PCDH9: variants seen among roughly 807,000 people sequenced by gnomAD.
PCDH9 encodes the protein protocadherin-9.
PCDH9 carries 24 observed loss-of-function variants against 70.6 expected under a neutral mutation model. The observed-to-expected ratio is 0.34, with a 90% CI of 0.25 to 0.48. PCDH9 has a LOEUF of 0.48. Ranked by LOEUF, PCDH9 falls within the 20% of genes least tolerant of loss-of-function variation. The pLI is 0.99. For synonymous variants in PCDH9, 562 were observed against 558.5 expected, an observed-to-expected ratio of 1.01 and a Z score of -0.09; for missense variants, 1,281 against 1,503.6, an observed-to-expected ratio of 0.85 and a Z score of 2.45.
At chr13:66,483,303 T>C (rs1958874613) in intron 4 of PCDH9, among the ~76,000 whole-genome samples, 1 of 152,238 alleles carries the variant, frequency 6.6e-6, no homozygotes, top group Non-Finnish European at 1.5e-5. Flanking sequence ...ACACGAATTA[T>C]GGATTTGTAT....
At chr13:66,457,876 C>T (rs906146114) in intron 4 of PCDH9, among the ~76,000 whole-genome samples, 1 of 151,886 alleles carries the variant, frequency 6.6e-6, no homozygotes, top group Admixed American at 6.6e-5. Context: ...AATCTAGATA[C>T]ATGTTAATCA....
intron 3 of PCDH9, among the ~76,000 whole-genome samples, chr13:66,645,639 A>T (rs2077761277): frequency 6.6e-6 from 1 of 152,156 alleles, no homozygotes; most frequent in Non-Finnish European, 1.5e-5. Flanking sequence ...TGGAGAAAAT[A>T]TTCTAGGATA....
At chr13:67,154,595 A>ATATATATATAT (rs1206022574) in intron 2 of PCDH9, among the ~76,000 whole-genome samples, 3 of 88,988 alleles carry the variant, frequency 3.4e-5, no homozygotes, top group African/African-American at 1.3e-4. Flanking sequence ...AAAAAAAAAA[A>ATATATATATAT]ATATATATAT....
At chr13:66,619,809 T>C (rs1001409940) in intron 4 of PCDH9, among the ~76,000 whole-genome samples, 15 of 152,108 alleles carry the variant, frequency 9.9e-5, no homozygotes, top group African/African-American at 1.4e-4. Flanking sequence ...ACATTCTTAA[T>C]TTTTTGATCT....
chr13:66,536,416 A>T (rs541689652), intron 4 of PCDH9, among the ~76,000 whole-genome samples: 1 of 152,168 alleles, frequency 6.6e-6, no homozygotes, highest in African/African-American at 2.4e-5. Flanking sequence ...AGTAAACTTA[A>T]TTTTTTGCAC....
chr13:67,150,763 T>C (rs1014283686), intron 2 of PCDH9, among the ~76,000 whole-genome samples: 10 of 152,204 alleles, frequency 6.6e-5, no homozygotes, highest in Non-Finnish European at 1.5e-5. Flanking sequence ...GTACTCGCCC[T>C]TTGTAAACAC....
chr13:66,920,226 T>C (rs1376004991), intron 2 of PCDH9, among the ~76,000 whole-genome samples: 1 of 151,148 alleles, frequency 6.6e-6, no homozygotes, highest in East Asian at 1.9e-4. Context: ...GACAGATTTT[T>C]CCTATGCATT....
chr13:66,933,576 G>C (rs1322357758), intron 2 of PCDH9, among the ~76,000 whole-genome samples: 1 of 152,124 alleles, frequency 6.6e-6, no homozygotes. Flanking sequence ...GTCCTAGTTG[G>C]TTCATAGCTT....
chr13:66,788,960 G>A (rs2080122869), intron 3 of PCDH9, among the ~76,000 whole-genome samples: 1 of 152,020 alleles, frequency 6.6e-6, no homozygotes, highest in African/African-American at 2.4e-5. Context: ...AGCACATCTA[G>A]AATTGTCCTG....
chr13:66,707,663 G>A (rs192047894), intron 3 of PCDH9, among the ~76,000 whole-genome samples: 1 of 152,242 alleles, frequency 6.6e-6, no homozygotes. Context: ...AGCAGAAATT[G>A]GAAAAGAAAC....
At chr13:66,343,054 A>T (rs767348046) in intron 4 of PCDH9, among the ~76,000 whole-genome samples, 1 of 152,140 alleles carries the variant, frequency 6.6e-6, no homozygotes, top group African/African-American at 2.4e-5. Flanking sequence ...AAAAACAACC[A>T]ACCCACAACA....
chr13:66,720,729 T>C (rs2078931659), intron 3 of PCDH9, among the ~76,000 whole-genome samples: 1 of 152,154 alleles, frequency 6.6e-6, no homozygotes, highest in Non-Finnish European at 1.5e-5. Flanking sequence ...CAGTTCCCAG[T>C]TATAAGCCAT....
Position 67,227,068 on chromosome 13 carries a change from T to C in PCDH9, c.1373A>G (p.Lys458Arg). The C allele has an allele frequency of 6.2e-7, 1 of 1,614,166 alleles. No homozygotes were observed. Among genetic ancestry groups the C allele is most frequent in the African/African-American group, 1.3e-5 (1 of 75,046 alleles). ...SLNQTALVRVKLEDENDNPPI... is the reference protein window; with the variant it reads ...SLNQTALVRVRLEDENDNPPI... The stretch of plus-strand genomic sequence containing the variant: ...TGGGTTGTCATTTTCATCCTCAAGC[T>C]TAACCCTTACCAGGGCAGTCTGATT... Residue 458 changes from lysine (K) to arginine (R), a missense_variant, in exon 2 of 5, where the codon AAG (lysine) becomes AGG (arginine). Lys to Arg is a conservative substitution (Grantham distance 26). Coordinates refer to ENST00000377865, the MANE Select transcript of PCDH9 (RefSeq NM_203487.3). This position sits in a 1 kb window ranked among gnomAD's most constrained non-coding sequence, Gnocchi z 4.6.
At chr13:66,365,381 A>T (rs1161845918) in intron 4 of PCDH9, among the ~76,000 whole-genome samples, 27 of 152,312 alleles carry the variant, frequency 1.8e-4, no homozygotes, top group Admixed American at 1.4e-3. Context: ...ACTTGTCAAC[A>T]TGTGCAGATG....
At chr13:66,370,800 C>T (rs190870448) in intron 4 of PCDH9, among the ~76,000 whole-genome samples, 25 of 152,168 alleles carry the variant, frequency 1.6e-4, no homozygotes, top group Non-Finnish European at 3.2e-4. Context: ...AAGTATTAAC[C>T]ACTGCTTTTG....
intron 2 of PCDH9, among the ~76,000 whole-genome samples, chr13:66,958,334 A>T (rs1011255624): frequency 6.6e-6 from 1 of 152,226 alleles, no homozygotes; most frequent in African/African-American, 2.4e-5. Flanking sequence ...GTAGACTGGA[A>T]ATAATAAAAT....
chr13:66,702,018 C>T (rs977323333), intron 3 of PCDH9, among the ~76,000 whole-genome samples: 4 of 152,118 alleles, frequency 2.6e-5, no homozygotes, highest in Non-Finnish European at 4.4e-5. Context: ...TGCCCTTCGT[C>T]GGAAAGCTGA....
chr13:66,972,746 G>A (rs1371909256), intron 2 of PCDH9, among the ~76,000 whole-genome samples: 2 of 151,910 alleles, frequency 1.3e-5, no homozygotes, highest in Admixed American at 6.6e-5. Context: ...CATAGCTCTC[G>A]TCTCCATTAC....
chr13:67,116,008 T>G (rs1435460869), intron 2 of PCDH9, among the ~76,000 whole-genome samples: 1 of 152,170 alleles, frequency 6.6e-6, no homozygotes, highest in African/African-American at 2.4e-5. Context: ...TGCCCTTGAC[T>G]AAGTTACTTA....
Sources: allele counts gnomAD v4.1 joint callset (sites outside exome capture counted in the v4.1 genomes callset), GRCh38; gene constraint gnomAD v4.1.1; non-coding constraint Gnocchi (gnomAD v3.1); transcripts MANE v1.5; gene names NCBI Gene and HGNC (gene_info 2026-07-23, HGNC 2026-07-21).